Variants in FYB1 observed in about 807,000 individuals in gnomAD.
FYB1 encodes the protein FYN-binding protein 1.
Under a neutral mutation model 94.1 loss-of-function variants are expected in FYB1, and 41 were observed. The ratio of observed to expected loss-of-function variants is 0.44; its 90% CI spans 0.34 to 0.57. The LOEUF is 0.57. FYB1 is among the 20% of genes least tolerant of loss of function. FYB1 has a pLI of 0.02. For missense variants in FYB1, 1,050 were observed against 976.8 expected, an observed-to-expected ratio of 1.07 and a Z score of -1.00; for synonymous variants, 367 against 353.2, an observed-to-expected ratio of 1.04 and a Z score of -0.44.
At chr5:39,245,696 T>C (rs1263306713) in intron 1 of FYB1, among the ~76,000 whole-genome samples, 2 of 152,012 alleles carry the variant, frequency 1.3e-5, no homozygotes, top group Admixed American at 1.3e-4. Flanking sequence ...CCTCCCGGGT[T>C]CAAGTGATTC....
chr5:39,270,814 A>T (rs771080389), intron 1 of FYB1: 4 of 431,588 alleles, frequency 9.3e-6, no homozygotes, highest in African/African-American at 2.0e-5. Context: ...ACAGGTATAG[A>T]TGTAGCTTTG....
intron 1 of FYB1, among the ~76,000 whole-genome samples, chr5:39,254,283 G>C (rs1030135522): frequency 6.6e-6 from 1 of 152,094 alleles, no homozygotes; most frequent in Admixed American, 6.6e-5. Flanking sequence ...TGTCTTCTAC[G>C]ATGGTTGAAG....
rs568099099 is a variant in FYB1 at position 39,192,481 on chromosome 5, C to A, written c.1135+9345G>T. Among the ~76,000 whole-genome samples the A allele has an allele frequency of 3.9e-5, 6 of 152,268 alleles. No individual in the cohort carries two copies. In the South Asian group the frequency reaches 1.0e-3, roughly 26 times the overall value. On this transcript the variant is annotated intron_variant, in intron 2 of 18. Transcript: ENST00000512982. The stretch of plus-strand genomic sequence containing the variant: ...ACAAGTGGTCATATCTTCTTGTAGG[C>A]TACTAAAGTTGATACAATGCCAGTT...
chr5:39,148,155 T>TATATATATATATATA (rs1332920550), intron 3 of FYB1, among the ~76,000 whole-genome samples: 1 of 37,648 alleles, frequency 2.7e-5, no homozygotes, highest in African/African-American at 1.3e-4. Flanking sequence ...TATGTATTTT[T>TATATATATATATATA]TATATATATA....
chr5:39,118,729 CTGAACGTT>C, intron 16 of FYB1, 137 bp downstream of exon 16: 1 of 461,842 alleles, frequency 2.2e-6, no homozygotes, highest in Non-Finnish European at 3.8e-6. Context: ...TGACCAACTT[CTGAACGTT>C]TGCCACAATT....
intron 1 of FYB1, among the ~76,000 whole-genome samples, chr5:39,266,860 C>T (rs1229320877): frequency 6.6e-6 from 1 of 152,206 alleles, no homozygotes; most frequent in African/African-American, 2.4e-5. Context: ...GCCTACCAGA[C>T]ATGGTCACCA....
chr5:39,117,013 A>T lies in FYB1; in HGVS notation c.2401+1861T>A, dbSNP rs186796386. ...TCTTCTACCATACCAAGGGCAAGAT[A>T]TGTAGAAGCTTCTGCTTGTGCCCTG... On this transcript the variant is annotated intron_variant, in intron 16 of 18. Coordinates refer to ENST00000512982, the MANE Select transcript of FYB1 (RefSeq NM_001465.6). Among the ~76,000 whole-genome samples the T allele has an allele frequency of 3.1e-3, 479 of 152,250 alleles. 2 individuals are homozygous for T. The highest frequency in any genetic ancestry group is 4.0e-3 in the Non-Finnish European group (274 of 68,006).
chr5:39,159,889 T>C (rs1744094074), intron 2 of FYB1, among the ~76,000 whole-genome samples: 1 of 141,662 alleles, frequency 7.1e-6, no homozygotes, highest in Non-Finnish European at 1.5e-5. Context: ...CAATGCACTT[T>C]CCATCTTAAA....
At chr5:39,185,126 T>C (rs1307006841) in intron 2 of FYB1, among the ~76,000 whole-genome samples, 1 of 152,060 alleles carries the variant, frequency 6.6e-6, no homozygotes, top group East Asian at 1.9e-4. Flanking sequence ...TAGGGAAGAG[T>C]ACTCATTAGA....
At chr5:39,181,362 G>A (rs2150424409) in intron 2 of FYB1, among the ~76,000 whole-genome samples, 1 of 146,516 alleles carries the variant, frequency 6.8e-6, no homozygotes, top group Non-Finnish European at 1.5e-5. Context: ...TAGTGCAACT[G>A]AGGAGCTGAA....
chr5:39,256,633 T>G (rs564734581), intron 1 of FYB1, among the ~76,000 whole-genome samples: 1 of 152,294 alleles, frequency 6.6e-6, no homozygotes, highest in Non-Finnish European at 1.5e-5. Flanking sequence ...ACCCTCACAG[T>G]CTTTTTTGTT....
upstream of FYB1, among the ~76,000 whole-genome samples, chr5:39,223,326 T>G (rs995461942): frequency 6.6e-6 from 1 of 152,132 alleles, no homozygotes; most frequent in Non-Finnish European, 1.5e-5. Flanking sequence ...CATATTTTCC[T>G]TTATGTATAG....
At chr5:39,161,402 C>A (rs1472968127) in intron 2 of FYB1, among the ~76,000 whole-genome samples, 1 of 152,086 alleles carries the variant, frequency 6.6e-6, no homozygotes, top group East Asian at 1.9e-4. Flanking sequence ...CTGTTCTAGA[C>A]CCCCATAGTC....
rs141810649 is a variant in FYB1 at position 39,199,243 on chromosome 5, T to C, written c.1135+2583A>G. ...TTTCTTTATATTGCTTATCCAGTTA[T>C]ATAAAATGAACATATACTTTCTAAT... On this transcript the variant is annotated intron_variant, in intron 2 of 18. Coordinates refer to ENST00000512982, the MANE Select transcript of FYB1 (RefSeq NM_001465.6). Among the ~76,000 whole-genome samples, 1,137 of 152,272 alleles carry C rather than the reference T, an allele frequency of 7.5e-3. 42 individuals are homozygous for C. Among genetic ancestry groups the C allele is most frequent in the Admixed American group, 0.051 (783 of 15,294 alleles).
intron 1 of FYB1, among the ~76,000 whole-genome samples, chr5:39,259,649 A>T (rs765955183): frequency 1.3e-5 from 2 of 152,260 alleles, no homozygotes; most frequent in Non-Finnish European, 1.5e-5. Flanking sequence ...CAATTAAATT[A>T]AAACAATAGA....
intron 11 of FYB1, 79 bp from the exon 12 acceptor site, chr5:39,126,214 A>G (rs1453533459): frequency 6.9e-7 from 1 of 1,442,670 alleles, no homozygotes; most frequent in South Asian, 1.3e-5. Flanking sequence ...CAGATTCTTT[A>G]TAATCATTAA....
At chr5:39,240,117 C>T (rs929763045) in intron 1 of FYB1, among the ~76,000 whole-genome samples, 5 of 152,130 alleles carry the variant, frequency 3.3e-5, no homozygotes, top group Non-Finnish European at 7.4e-5. Context: ...AACTTGCTAG[C>T]CACATGCAGA....
chr5:39,216,077 C>T (rs1365782692), intron 1 of FYB1, among the ~76,000 whole-genome samples: 2 of 152,224 alleles, frequency 1.3e-5, no homozygotes, highest in South Asian at 2.1e-4. Flanking sequence ...AACGAATCCT[C>T]CCCTAGAGCC....
At chr5:39,197,926 A>C (rs1329201200) in intron 2 of FYB1, among the ~76,000 whole-genome samples, 10 of 152,164 alleles carry the variant, frequency 6.6e-5, no homozygotes, top group Non-Finnish European at 1.5e-4. Flanking sequence ...TCACAAATAC[A>C]TTTCTATATT....
Sources: allele counts gnomAD v4.1 joint callset (sites outside exome capture counted in the v4.1 genomes callset), GRCh38; gene constraint gnomAD v4.1.1; transcripts MANE v1.5; gene names NCBI Gene and HGNC (gene_info 2026-07-23, HGNC 2026-07-21).